ZNF438: variants seen among roughly 807,000 people sequenced by gnomAD.
ZNF438 encodes the protein zinc finger protein 438.
ZNF438 carries 25 observed loss-of-function variants against 38.0 expected under a neutral mutation model. That is an observed-to-expected ratio of 0.66 (90% confidence interval 0.48 to 0.92). The LOEUF is 0.92. Ranked by LOEUF, ZNF438 falls within the 40% of genes least tolerant of loss-of-function variation. The pLI, the probability that ZNF438 is intolerant of heterozygous loss-of-function variation, is 0.00. For synonymous variants in ZNF438, 372 were observed against 364.1 expected (o/e 1.02, Z -0.25); for missense variants, 1,007 against 999.6 (o/e 1.01, Z -0.10).
chr10:30,977,009 C>T (rs1260801429), intron 1 of ZNF438, among the ~76,000 whole-genome samples: 5 of 152,026 alleles, frequency 3.3e-5, no homozygotes, highest in Non-Finnish European at 5.9e-5. Context: ...TGTAACTTTA[C>T]GAAAACTGAT....
chr10:31,004,012 C>T, intron 1 of ZNF438, among the ~76,000 whole-genome samples: 1 of 152,148 alleles, frequency 6.6e-6, no homozygotes. Context: ...AAGGTGTTAT[C>T]CCCAGATCCT....
intron 3 of ZNF438, among the ~76,000 whole-genome samples, chr10:30,878,698 G>C (rs1426615894): frequency 6.6e-6 from 1 of 152,102 alleles, no homozygotes; most frequent in Non-Finnish European, 1.5e-5. Context: ...AAGCTAAGAG[G>C]GCATTGTAGC....
chr10:30,950,705 T>G (rs1020657686), intron 1 of ZNF438, among the ~76,000 whole-genome samples: 1 of 142,506 alleles, frequency 7.0e-6, no homozygotes, highest in Admixed American at 7.0e-5. Flanking sequence ...CAGGAAGAAG[T>G]TGAATCTCTG....
chr10:31,010,711 ACCCTGCTCCAG>A (rs943893453), intron 1 of ZNF438, among the ~76,000 whole-genome samples: 3 of 151,502 alleles, frequency 2.0e-5, no homozygotes, highest in Non-Finnish European at 4.4e-5. Context: ...ACAAAGCAAG[ACCCTGCTCCAG>A]AAAAAAAAAA....
intron 4 of ZNF438, among the ~76,000 whole-genome samples, chr10:30,860,181 A>G (rs2035342004): frequency 6.6e-6 from 1 of 152,252 alleles, no homozygotes; most frequent in Non-Finnish European, 1.5e-5. Context: ...CCCGCATTCC[A>G]GAGAGGGTCC....
chr10:30,939,372 G>A (rs1192842769), intron 2 of ZNF438, among the ~76,000 whole-genome samples: 1 of 152,152 alleles, frequency 6.6e-6, no homozygotes, highest in Non-Finnish European at 1.5e-5. Context: ...GTCAAATACA[G>A]GGGTGATACC....
chr10:30,955,925 G>T (rs899503835), intron 1 of ZNF438, among the ~76,000 whole-genome samples: 3 of 152,084 alleles, frequency 2.0e-5, no homozygotes, highest in Admixed American at 2.0e-4. Flanking sequence ...GAAGCAATTT[G>T]CAAAGTTCAT....
At chr10:30,967,314 C>T (rs2050231438) in intron 1 of ZNF438, among the ~76,000 whole-genome samples, 1 of 152,168 alleles carries the variant, frequency 6.6e-6, no homozygotes, top group Non-Finnish European at 1.5e-5. Flanking sequence ...CTCCCCAACG[C>T]TCAACTACAA....
At chr10:30,882,442 C>A (rs1564561767) in intron 3 of ZNF438, among the ~76,000 whole-genome samples, 1 of 152,114 alleles carries the variant, frequency 6.6e-6, no homozygotes, top group Non-Finnish European at 1.5e-5. Flanking sequence ...GTAGTAGTTC[C>A]AAGCCAGAAA....
chr10:30,967,069 C>A (rs962301889), intron 1 of ZNF438, among the ~76,000 whole-genome samples: 2 of 152,176 alleles, frequency 1.3e-5, no homozygotes, highest in African/African-American at 4.8e-5. Flanking sequence ...CTTGTCCAAA[C>A]AAAAGCTCTT....
intron 1 of ZNF438, among the ~76,000 whole-genome samples, chr10:31,009,674 G>A (rs1286420288): frequency 6.6e-6 from 1 of 152,052 alleles, no homozygotes; most frequent in Non-Finnish European, 1.5e-5. Flanking sequence ...ACAAAGAAAT[G>A]TTTTATCTTA....
chr10:30,921,589 T>C (rs2044303120), intron 2 of ZNF438, among the ~76,000 whole-genome samples: 1 of 152,194 alleles, frequency 6.6e-6, no homozygotes, highest in Non-Finnish European at 1.5e-5. Context: ...GTCCTTTCAA[T>C]GTTTAGATTC....
At chr10:30,920,990 A>G (rs2044235238) in intron 2 of ZNF438, 1 of 152,232 alleles carries the variant, frequency 6.6e-6, no homozygotes, top group African/African-American at 2.4e-5. Flanking sequence ...GGGTTTTTCT[A>G]ACTCAAGCAT....
intron 3 of ZNF438, among the ~76,000 whole-genome samples, chr10:30,883,115 AATC>A (rs1333281199): frequency 6.6e-6 from 1 of 152,202 alleles, no homozygotes; most frequent in East Asian, 1.9e-4. Context: ...TTTAACAAGT[AATC>A]ATCAGAAAGA....
At chr10:30,969,660 TCA>T (rs1210789524) in intron 1 of ZNF438, among the ~76,000 whole-genome samples, 1 of 152,122 alleles carries the variant, frequency 6.6e-6, no homozygotes, top group Non-Finnish European at 1.5e-5. Flanking sequence ...TCAGTGGAGC[TCA>T]GTCTCCTCAG....
chr10:30,972,704 T>C (rs529084708), intron 1 of ZNF438, among the ~76,000 whole-genome samples: 16 of 152,086 alleles, frequency 1.1e-4, no homozygotes, highest in Non-Finnish European at 2.4e-4. Context: ...AAGACTTCAA[T>C]GATGACAGAG....
chr10:30,977,552 G>A (rs1194365615), intron 1 of ZNF438, among the ~76,000 whole-genome samples: 1 of 152,118 alleles, frequency 6.6e-6, no homozygotes, highest in East Asian at 1.9e-4. Context: ...TCTTAACAGA[G>A]GTGATCTTAC....
chr10:30,854,700 T>A (rs1400758467), intron 4 of ZNF438, among the ~76,000 whole-genome samples: 1 of 152,100 alleles, frequency 6.6e-6, no homozygotes, highest in Non-Finnish European at 1.5e-5. Context: ...CAAAAGAGAA[T>A]GGTAAATTAT....
chr10:30,930,803 C>CAAA lies in ZNF438; in HGVS notation c.-115+10769_-115+10771dup, dbSNP rs71527620. Among the ~76,000 whole-genome samples, 66 of 38,430 alleles carry CAAA rather than the reference C, an allele frequency of 1.7e-3. 2 individuals carry two copies. The highest frequency in any genetic ancestry group is 2.7e-3 in the African/African-American group (33 of 12,218). The allele number at this position is 38,430 out of a possible 152,430, so 25.2% of individuals were successfully genotyped here. ...GCCTGGCGACAGAGAGAAACTCAGT[C>CAAA]AAAAAAAAAAAAAAAAAAAAAAAAA... is the stretch of plus-strand genomic sequence containing the variant. On this transcript the variant is annotated intron_variant, in intron 2 of 5. Coordinates refer to ENST00000413025, the Ensembl canonical transcript of ZNF438.
Sources: gnomAD v4.1 joint callset for allele counts (sites outside exome capture counted in the v4.1 genomes callset) on GRCh38, gnomAD v4.1.1 for gene constraint, MANE v1.5 for transcripts, NCBI Gene and HGNC (gene_info 2026-07-23, HGNC 2026-07-21) for gene names.